The following OBI1 variants were observed in gnomAD, a reference collection of about 807,000 sequenced individuals.
The protein encoded by OBI1 is ring finger protein 219.
A neutral mutation model predicts 62.4 loss-of-function variants in OBI1; 59 were observed. That is an observed-to-expected ratio of 0.95 (90% confidence interval 0.77 to 1.17). The LOEUF is 1.17. Ranked by LOEUF, OBI1 falls within the 50% of genes most tolerant of loss-of-function variation. OBI1 has a pLI of 0.00. For synonymous variants in OBI1, 302 were observed against 292.8 expected, an observed-to-expected ratio of 1.03 and a Z score of -0.32; for missense variants, 875 against 830.9, an observed-to-expected ratio of 1.05 and a Z score of -0.65.
At chr13:78,624,075 T>A (rs918015296) in intron 5 of OBI1, among the ~76,000 whole-genome samples, 4 of 152,354 alleles carry the variant, frequency 2.6e-5, no homozygotes, top group Middle Eastern at 3.4e-3. Context: ...AATCAGCAGG[T>A]ATCTTCAACT....
chr13:78,656,728 C>CT (rs1386773512), intron 1 of OBI1, among the ~76,000 whole-genome samples: 3 of 6,950 alleles, frequency 4.3e-4, no homozygotes, highest in South Asian at 4.3e-3. Context: ...TCCATGGTAC[C>CT]TGGGGGGGGG....
At chr13:78,655,596 C>T (rs1189958455) in intron 1 of OBI1, among the ~76,000 whole-genome samples, 1 of 152,176 alleles carries the variant, frequency 6.6e-6, no homozygotes, top group Non-Finnish European at 1.5e-5. Flanking sequence ...TCCTCTCCAT[C>T]CCCACTGGCA....
chr13:78,624,143 C>A (rs1875596450), intron 5 of OBI1, among the ~76,000 whole-genome samples: 1 of 152,024 alleles, frequency 6.6e-6, no homozygotes, highest in African/African-American at 2.4e-5. Flanking sequence ...AATTTTAAGG[C>A]CTAAACATCA....
At chr13:78,650,763 A>G (rs1876521381) in intron 1 of OBI1, among the ~76,000 whole-genome samples, 1 of 151,862 alleles carries the variant, frequency 6.6e-6, no homozygotes, top group Non-Finnish European at 1.5e-5. Flanking sequence ...AAAAAAGGTA[A>G]TATTACTATA....
chr13:78,629,026 C>A (rs144993897), intron 5 of OBI1, among the ~76,000 whole-genome samples: 319 of 152,118 alleles, frequency 2.1e-3, no homozygotes, highest in African/African-American at 7.3e-3. Context: ...ACAAATAGAG[C>A]AAAAAAGGAA....
rs756517385 is a variant in OBI1 at position 78,617,097 on chromosome 13, G to GAGC, written c.661_663dup (p.Ala221dup). On this transcript the variant is annotated inframe_insertion, in exon 6 of 6. Transcript: ENST00000282003. ...TCATACTGTTCTACTTTGGACTGAA[G>GAGC]AGCAGCAACTGCAAACCTTCCAAAC... The GAGC allele has an allele frequency of 1.3e-6, 2 of 1,565,696 alleles. No individual in the cohort carries two copies. Among genetic ancestry groups the GAGC allele is most frequent in the Non-Finnish European group, 1.7e-6 (2 of 1,158,920 alleles).
chr13:78,644,769 C>T, intron 2 of OBI1, 93 bp downstream of exon 2: 1 of 1,397,026 alleles, frequency 7.2e-7, no homozygotes, highest in East Asian at 2.3e-5. Context: ...AATAGCATCA[C>T]TGAAAATAGC....
chr13:78,638,783 TA>T, intron 4 of OBI1, 39 bp downstream of exon 4: 1 of 1,554,496 alleles, frequency 6.4e-7, no homozygotes, highest in South Asian at 1.2e-5. Flanking sequence ...GTACTTATTT[TA>T]AAAACAACCA....
At chr13:78,658,965 C>G in intron 1 of OBI1, 84 bp downstream of exon 1, 1 of 1,288,494 alleles carries the variant, frequency 7.8e-7, no homozygotes, top group South Asian at 1.2e-5. Flanking sequence ...CGCCCCTTCC[C>G]CGCCCCCGCA....
At chr13:78,626,588 G>A (rs1427975529) in intron 5 of OBI1, among the ~76,000 whole-genome samples, 1 of 152,114 alleles carries the variant, frequency 6.6e-6, no homozygotes, top group Non-Finnish European at 1.5e-5. Context: ...AGGACAGACA[G>A]GGATTAACCA....
rs1876343207 is a variant in OBI1 at position 78,645,119 on chromosome 13, C to A, written c.73-122G>T. 2.1e-5 allele frequency: 20 copies of A among 933,738 alleles called. No individual in the cohort carries two copies. In the South Asian group the frequency reaches 3.5e-4, roughly 16 times the overall value. The allele number at this position is 933,738 out of a possible 1,614,324, so 57.8% of individuals were successfully genotyped here. A position where few individuals can be genotyped will look rare whatever the true frequency, so the allele number is the denominator to read the frequency against. ...AGAGTAGGAGTTTAAGAAGGGATAT[C>A]TAGCGCTTTTAAAAACACTGCTTCT... is the stretch of plus-strand genomic sequence containing the variant. On this transcript the variant is annotated intron_variant, in intron 1 of 5. Coordinates refer to ENST00000282003, the MANE Select transcript of OBI1 (RefSeq NM_024546.4).
chr13:78,633,159 A>C (rs1409633252), intron 5 of OBI1, among the ~76,000 whole-genome samples: 1 of 152,202 alleles, frequency 6.6e-6, no homozygotes, highest in African/African-American at 2.4e-5. Flanking sequence ...GTGACTGGCA[A>C]GGCAAGCTGC....
intron 1 of OBI1, among the ~76,000 whole-genome samples, chr13:78,649,367 G>T (rs78783801): frequency 0.093 from 14,202 of 152,264 alleles, 740 homozygotes; most frequent in Middle Eastern, 0.15. Flanking sequence ...AGTTTTTCAA[G>T]AGAGAGGCAG....
At chr13:78,656,701 C>T (rs1652818960) in intron 1 of OBI1, among the ~76,000 whole-genome samples, 1 of 116,948 alleles carries the variant, frequency 8.6e-6, no homozygotes, top group African/African-American at 3.4e-5. Flanking sequence ...GGCCCTCAGT[C>T]ACATATCCTT....
intron 5 of OBI1, among the ~76,000 whole-genome samples, chr13:78,634,825 T>C (rs2137447404): frequency 6.6e-6 from 1 of 152,328 alleles, no homozygotes; most frequent in Non-Finnish European, 1.5e-5. Context: ...TTAGTACTAT[T>C]AAACAGTTAT....
chr13:78,616,024 T>C lies in OBI1; in HGVS notation c.1737A>G (p.Glu579=). The change falls in exon 6 of 6, where the codon GAA becomes GAG. Residue 579 remains glutamate, a synonymous_variant. Transcript: ENST00000282003. ...KSSQGSEFLE[E]PDKLEEKTEL... Reference sequence around the variant, plus strand: ...CAGTTTTTTCTTCCAACTTATCAGGTTCCTCAAGAAATTCACTGCCTTGAG... The same window carrying C: ...CAGTTTTTTCTTCCAACTTATCAGGCTCCTCAAGAAATTCACTGCCTTGAG... 1.2e-6 allele frequency: 2 copies of C among 1,614,132 alleles called. No homozygotes were observed. Among genetic ancestry groups the C allele is most frequent in the South Asian group, 1.1e-5 (1 of 91,070 alleles).
intron 5 of OBI1, among the ~76,000 whole-genome samples, 186 bp downstream of exon 5, chr13:78,634,918 TTTAAAA>T (rs1875973854): frequency 6.6e-6 from 1 of 152,218 alleles, no homozygotes; most frequent in Non-Finnish European, 1.5e-5. Flanking sequence ...AAATTCTTTC[TTTAAAA>T]TTAGCCTTAA....
At position 78,617,061 on chromosome 13, in the gene OBI1, T is replaced by C; in HGVS notation, c.700A>G (p.Asn234Asp). 1 of 1,611,446 alleles carries C rather than the reference T, an allele frequency of 6.2e-7. No homozygotes were observed. Among genetic ancestry groups the C allele is most frequent in the Non-Finnish European group, 8.5e-7 (1 of 1,178,906 alleles). The change falls in exon 6 of 6, where the codon AAT becomes GAT. Residue 234 changes from asparagine (N) to aspartate (D), a missense_variant. By Grantham distance (23) the Asn-to-Asp change is conservative. Transcript: ENST00000282003. Reference sequence around the variant, plus strand: ...CGTTCCAGGGCTTTCTTGAGGCGATTGGTTTCACGCTCATACTGTTCTACT... The same window carrying C: ...CGTTCCAGGGCTTTCTTGAGGCGATCGGTTTCACGCTCATACTGTTCTACT... The part of the protein sequence containing the change: ...SKVEQYERET[N>D]RLKKALERSD...
At position 78,615,973 on chromosome 13, in the gene OBI1, T is replaced by TA; in HGVS notation, c.1787dup (p.Thr597AsnfsTer2). The stretch of plus-strand genomic sequence containing the variant: ...TTCCATTTTCTAACTGATCATTAGT[T>TA]AGAGAACCTTTGGAAAGGTTTAGCT... On this transcript the variant is annotated frameshift_variant, in exon 6 of 6. Coordinates refer to ENST00000282003, the MANE Select transcript of OBI1 (RefSeq NM_024546.4). LOFTEE classifies it high-confidence loss of function. 2 of 1,614,006 alleles carry TA rather than the reference T, an allele frequency of 1.2e-6. No homozygotes were observed. Among genetic ancestry groups the TA allele is most frequent in the Non-Finnish European group, 1.7e-6 (2 of 1,179,994 alleles).
Sources: allele counts gnomAD v4.1 joint callset (sites outside exome capture counted in the v4.1 genomes callset), GRCh38; gene constraint gnomAD v4.1.1; transcripts MANE v1.5; gene names NCBI Gene and HGNC (gene_info 2026-07-23, HGNC 2026-07-21).